The following ASAP2 variants were observed in gnomAD, a reference collection of about 807,000 sequenced individuals.
ASAP2 encodes arf-GAP with SH3 domain, ANK repeat and PH domain-containing protein 2.
Under a neutral mutation model 131.4 loss-of-function variants are expected in ASAP2, and 45 were observed. The ratio of observed to expected loss-of-function variants is 0.34; its 90% CI spans 0.27 to 0.44. The LOEUF (loss-of-function observed/expected upper bound fraction) is 0.44. ASAP2 is among the 20% of genes least tolerant of loss of function. The pLI, the probability that ASAP2 is intolerant of heterozygous loss-of-function variation, is 1.00. For synonymous variants in ASAP2, 510 were observed against 503.0 expected (o/e 1.01, Z -0.19); for missense variants, 1,011 against 1,297.0 (o/e 0.78, Z 3.39).
intron 1 of ASAP2, among the ~76,000 whole-genome samples, chr2:9,254,902 G>T (rs1303708831): frequency 6.6e-6 from 1 of 152,150 alleles, no homozygotes; most frequent in Non-Finnish European, 1.5e-5. Context: ...ACAAGTCTTT[G>T]TGTAGGTAGA....
intron 6 of ASAP2, among the ~76,000 whole-genome samples, chr2:9,325,493 A>G (rs923655718): frequency 6.6e-6 from 1 of 152,240 alleles, no homozygotes; most frequent in Non-Finnish European, 1.5e-5. Context: ...TGTTCAGGTC[A>G]TGCTCTTTTT....
At position 9,404,572 on chromosome 2, in the gene ASAP2, CTG is replaced by C. The variant is rs1304922322; in HGVS notation, c.*1246_*1247del. ...TAGGAATATTGGAAATTTTGGCACT[CTG>C]AGAATAAATAGGCATATGATACCCA... On this transcript the variant is annotated 3_prime_UTR_variant, in exon 28 of 28. Coordinates refer to ENST00000281419, the MANE Select transcript of ASAP2 (RefSeq NM_003887.3). 8 of 152,528 alleles carry C rather than the reference CTG, an allele frequency of 5.2e-5. No homozygotes were observed. In the East Asian group the frequency reaches 1.5e-3, roughly 29 times the overall value. The allele number at this position is 152,528 out of a possible 1,614,324, so 9.4% of individuals were successfully genotyped here. A position where few individuals can be genotyped will look rare whatever the true frequency, so the allele number is the denominator to read the frequency against.
At chr2:9,258,913 C>T (rs2148186337) in intron 1 of ASAP2, among the ~76,000 whole-genome samples, 1 of 152,348 alleles carries the variant, frequency 6.6e-6, no homozygotes, top group East Asian at 1.9e-4. Flanking sequence ...GGTCCATGCT[C>T]CTGATTACAG....
intron 22 of ASAP2, 81 bp from the exon 23 acceptor site, chr2:9,390,981 C>T: frequency 6.2e-7 from 1 of 1,602,334 alleles, no homozygotes; most frequent in South Asian, 1.1e-5. Flanking sequence ...ATCAATAACG[C>T]AGTGTTCTGT....
At chr2:9,292,117 T>C (rs1667854264) in intron 2 of ASAP2, among the ~76,000 whole-genome samples, 1 of 152,122 alleles carries the variant, frequency 6.6e-6, no homozygotes, top group Non-Finnish European at 1.5e-5. Context: ...CTAGGTCATC[T>C]TTCAGGATCC....
At chr2:9,251,948 TTTA>T (rs1318366911) in intron 1 of ASAP2, among the ~76,000 whole-genome samples, 1 of 152,146 alleles carries the variant, frequency 6.6e-6, no homozygotes, top group African/African-American at 2.4e-5. Context: ...ATTTTTTTTT[TTTA>T]ATTATCATCT....
intron 2 of ASAP2, among the ~76,000 whole-genome samples, chr2:9,292,780 A>G (rs1022364661): frequency 2.0e-5 from 3 of 152,230 alleles, no homozygotes; most frequent in Non-Finnish European, 4.4e-5. Context: ...CATCCCAGCC[A>G]TGAGCATATG....
intron 15 of ASAP2, among the ~76,000 whole-genome samples, chr2:9,367,027 A>ATTTTTTTTTTTTTTTTTTTT (rs1171661319): frequency 1.1e-4 from 15 of 132,944 alleles, no homozygotes; most frequent in African/African-American, 4.3e-4. Flanking sequence ...TGCCTGCATA[A>ATTTTTTTTTTTTTTTTTTTT]TTTTTTTTTT....
intron 3 of ASAP2, among the ~76,000 whole-genome samples, chr2:9,301,060 T>C (rs1370905013): frequency 6.6e-6 from 1 of 152,206 alleles, no homozygotes; most frequent in East Asian, 1.9e-4. Flanking sequence ...GGAAGTCTCC[T>C]TTTTTGGAAT....
chr2:9,393,621 C>T lies in ASAP2; in HGVS notation c.2658C>T (p.Arg886=). 1.3e-6 allele frequency: 2 copies of T among 1,585,886 alleles called. No individual in the cohort carries two copies. Among genetic ancestry groups the T allele is most frequent in the South Asian group, 2.3e-5 (2 of 87,914 alleles). Residue 886 remains arginine (R), a synonymous_variant, in exon 24 of 28, where the codon CGC becomes CGT. Transcript: ENST00000281419. ...PPPLPPQPPS[R]LPQKKPAPGA... is the part of the protein sequence containing the mutation. ...CTCTGCCCCCACAGCCGCCCAGCCGCCTCCCGCAGAAGAAGCCTGCGCCGG... is the reference window on the plus strand; with the variant it reads ...CTCTGCCCCCACAGCCGCCCAGCCGTCTCCCGCAGAAGAAGCCTGCGCCGG...
rs190782363 is a variant in ASAP2, at chr2:9,388,046, A to C, written c.2131-248A>C. On this transcript the variant is annotated intron_variant, in intron 21 of 27. Transcript: ENST00000281419. Reference sequence around the variant, plus strand: ...CAAGTGAAGATTACAATTCGAGGTGAGATTTGGGTGGGGACACAAAGCCAA... The same window carrying C: ...CAAGTGAAGATTACAATTCGAGGTGCGATTTGGGTGGGGACACAAAGCCAA... Among the ~76,000 whole-genome samples the C allele has an allele frequency of 4.1e-4, 62 of 152,336 alleles. No individual in the cohort carries two copies. In the East Asian group the frequency reaches 7.3e-3, roughly 18 times the overall value.
chr2:9,364,810 A>G (rs1673336875), intron 15 of ASAP2, among the ~76,000 whole-genome samples: 1 of 152,228 alleles, frequency 6.6e-6, no homozygotes, highest in Admixed American at 6.5e-5. Context: ...ATCAGTGGTC[A>G]TTTACGGAGG....
At chr2:9,332,611 C>T (rs749559753) in intron 7 of ASAP2, among the ~76,000 whole-genome samples, 34 of 152,224 alleles carry the variant, frequency 2.2e-4, no homozygotes, top group Non-Finnish European at 4.0e-4. Flanking sequence ...CTCTCACTCT[C>T]GCTCTCTGTC....
chr2:9,296,309 C>T (rs1006381793), intron 2 of ASAP2, among the ~76,000 whole-genome samples: 1 of 152,200 alleles, frequency 6.6e-6, no homozygotes, highest in Non-Finnish European at 1.5e-5. Context: ...ATTAATTTAC[C>T]AGAATCACCT....
chr2:9,380,000 AAAAT>A (rs1162253461), intron 19 of ASAP2, among the ~76,000 whole-genome samples: 13 of 150,158 alleles, frequency 8.7e-5, no homozygotes, highest in African/African-American at 3.3e-4. Context: ...CAAAAAAAAA[AAAAT>A]AAATAAAGTA....
chr2:9,351,987 G>GTT (rs1263967810), intron 12 of ASAP2, among the ~76,000 whole-genome samples: 2 of 152,192 alleles, frequency 1.3e-5, no homozygotes, highest in Non-Finnish European at 2.9e-5. Context: ...ACTCAGTCTA[G>GTT]TAAGGTCCAC....
At chr2:9,333,301 T>A (rs990188173) in intron 7 of ASAP2, among the ~76,000 whole-genome samples, 4 of 152,276 alleles carry the variant, frequency 2.6e-5, no homozygotes, top group African/African-American at 9.6e-5. Context: ...GCGGGTACTT[T>A]GTGTCTCCTA....
At chr2:9,364,585 C>G (rs1673316450) in intron 15 of ASAP2, among the ~76,000 whole-genome samples, 1 of 152,198 alleles carries the variant, frequency 6.6e-6, no homozygotes. Flanking sequence ...TGTTTCTTGA[C>G]TTTCTTCTAT....
chr2:9,340,998 T>G (rs1671538139), intron 9 of ASAP2, among the ~76,000 whole-genome samples: 1 of 152,202 alleles, frequency 6.6e-6, no homozygotes, highest in Non-Finnish European at 1.5e-5. Flanking sequence ...AAACAGTCCC[T>G]GCACGTTGAG....
Sources: gnomAD v4.1 joint callset for allele counts (sites outside exome capture counted in the v4.1 genomes callset) on GRCh38, gnomAD v4.1.1 for gene constraint, MANE v1.5 for transcripts, NCBI Gene and HGNC (gene_info 2026-07-23, HGNC 2026-07-21) for gene names.